ABCG2: variants seen among roughly 807,000 people sequenced by gnomAD.
The protein encoded by ABCG2 is broad substrate specificity ATP-binding cassette transporter ABCG2.
ABCG2 carries 80 observed loss-of-function variants against 73.5 expected under a neutral mutation model. The observed-to-expected ratio is 1.09, with a 90% confidence interval of 0.91 to 1.31. ABCG2 has a LOEUF of 1.31. Ranked by LOEUF, ABCG2 falls within the 50% of genes most tolerant of loss-of-function variation. ABCG2 has a pLI of 0.00. For missense variants in ABCG2, 796 were observed against 786.2 expected, an observed-to-expected ratio of 1.01 and a Z score of -0.15; for synonymous variants, 269 against 282.4, an observed-to-expected ratio of 0.95 and a Z score of 0.48.
intron 6 of ABCG2, among the ~76,000 whole-genome samples, chr4:88,120,603 T>G (rs1723902078): frequency 6.6e-6 from 1 of 152,216 alleles, no homozygotes; most frequent in African/African-American, 2.4e-5. Flanking sequence ...GATTTCGGAC[T>G]TGCGTGGGAC....
At chr4:88,189,503 G>A (rs943688470) in intron 1 of ABCG2, among the ~76,000 whole-genome samples, 1 of 150,872 alleles carries the variant, frequency 6.6e-6, no homozygotes, top group African/African-American at 2.4e-5. Flanking sequence ...AACAGAGTGA[G>A]ACCCTGCATC....
chr4:88,117,066 A>G (rs1235738434), intron 7 of ABCG2, among the ~76,000 whole-genome samples: 2 of 152,162 alleles, frequency 1.3e-5, no homozygotes, highest in African/African-American at 4.8e-5. Flanking sequence ...AGTGGCTCAC[A>G]CCTGTAATCC....
At chr4:88,196,992 T>A (rs1728960401) in intron 1 of ABCG2, among the ~76,000 whole-genome samples, 1 of 152,026 alleles carries the variant, frequency 6.6e-6, no homozygotes. Flanking sequence ...CCAGCCATCC[T>A]GTCCTATTTA....
intron 6 of ABCG2, among the ~76,000 whole-genome samples, chr4:88,121,426 C>T (rs753245444): frequency 6.6e-6 from 1 of 152,114 alleles, no homozygotes; most frequent in Admixed American, 6.5e-5. Context: ...ACAGGCCCAA[C>T]CCCCCTACAC....
At chr4:88,160,155 C>T (rs937577849), upstream of ABCG2, among the ~76,000 whole-genome samples, 1 of 151,632 alleles carries the variant, frequency 6.6e-6, no homozygotes, top group Admixed American at 6.6e-5. Context: ...GAACAAGAAG[C>T]GCTTGAACAC....
intron 9 of ABCG2, among the ~76,000 whole-genome samples, chr4:88,112,930 C>T (rs866926973): frequency 4.6e-5 from 7 of 151,816 alleles, no homozygotes. Context: ...GGCAACACAG[C>T]GAAACCCCAT....
intron 9 of ABCG2, among the ~76,000 whole-genome samples, chr4:88,112,039 T>C (rs1435799855): frequency 6.6e-6 from 1 of 151,548 alleles, no homozygotes; most frequent in Admixed American, 6.6e-5. Context: ...TGAGCTATGA[T>C]TGCACCACTG....
intron 1 of ABCG2, among the ~76,000 whole-genome samples, chr4:88,169,484 T>C (rs1360442072): frequency 6.6e-6 from 1 of 152,230 alleles, no homozygotes; most frequent in Admixed American, 6.5e-5. Flanking sequence ...GTAATTTATT[T>C]ATCTACTTTT....
intron 1 of ABCG2, among the ~76,000 whole-genome samples, chr4:88,149,274 A>T (rs1178850840): frequency 6.6e-6 from 1 of 152,228 alleles, no homozygotes; most frequent in African/African-American, 2.4e-5. Flanking sequence ...TTAATCTGTG[A>T]TTAGAAAGCC....
At chr4:88,189,858 A>G (rs914744558) in intron 1 of ABCG2, among the ~76,000 whole-genome samples, 1 of 152,220 alleles carries the variant, frequency 6.6e-6, no homozygotes, top group Non-Finnish European at 1.5e-5. Context: ...ATATGAAGTT[A>G]GCTGTGGGTT....
intron 9 of ABCG2, among the ~76,000 whole-genome samples, chr4:88,109,254 TC>T (rs1722966736): frequency 6.6e-6 from 1 of 152,130 alleles, no homozygotes; most frequent in Non-Finnish European, 1.5e-5. Flanking sequence ...CGCCTTGGCC[TC>T]CCAAAGCACT....
intron 1 of ABCG2, among the ~76,000 whole-genome samples, chr4:88,219,745 CTA>C (rs1729944718): frequency 8.9e-6 from 1 of 112,208 alleles, no homozygotes; most frequent in Non-Finnish European, 1.9e-5. Context: ...CCACGCCTGG[CTA>C]TTTTTTTTTT....
intron 14 of ABCG2, among the ~76,000 whole-genome samples, 156 bp from the exon 15 acceptor site, chr4:88,094,815 T>A (rs1482981400): frequency 6.6e-6 from 1 of 152,234 alleles, no homozygotes; most frequent in Non-Finnish European, 1.5e-5. Flanking sequence ...TAATGTTATT[T>A]TCCCTGGCAA....
At chr4:88,230,291 T>TCATA (rs779334338) in intron 1 of ABCG2, among the ~76,000 whole-genome samples, 1 of 57,908 alleles carries the variant, frequency 1.7e-5, no homozygotes. Context: ...ACCGCACCTG[T>TCATA]TATATATATA....
At chr4:88,206,694 C>A (rs774396400) in intron 1 of ABCG2, 1 of 152,216 alleles carries the variant, frequency 6.6e-6, no homozygotes, top group African/African-American at 2.4e-5. Flanking sequence ...AATTTTAATA[C>A]CTAGATCCAG....
chr4:88,142,494 C>G (rs1399272780), intron 1 of ABCG2, among the ~76,000 whole-genome samples: 3 of 152,120 alleles, frequency 2.0e-5, no homozygotes, highest in Non-Finnish European at 2.9e-5. Flanking sequence ...CCAGCAAATT[C>G]AAGGTACATG....
At chr4:88,127,643 G>C (rs1724525443) in intron 5 of ABCG2, among the ~76,000 whole-genome samples, 1 of 152,138 alleles carries the variant, frequency 6.6e-6, no homozygotes. Flanking sequence ...TCTGATCTTT[G>C]ACATACCTGA....
chr4:88,146,980 G>A (rs983822449), intron 1 of ABCG2, among the ~76,000 whole-genome samples: 32 of 110,934 alleles, frequency 2.9e-4, no homozygotes, highest in African/African-American at 1.1e-3. Context: ...AGAAAGAAAG[G>A]AAGGAAAAAG....
intron 5 of ABCG2, among the ~76,000 whole-genome samples, chr4:88,127,674 A>C (rs181661229): frequency 1.3e-5 from 2 of 152,340 alleles, no homozygotes; most frequent in Non-Finnish European, 2.9e-5. Context: ...CAACGGGGAA[A>C]GGATTCTGTA....
Sources: allele counts gnomAD v4.1 joint callset (sites outside exome capture counted in the v4.1 genomes callset), GRCh38; gene constraint gnomAD v4.1.1; transcripts MANE v1.5; gene names NCBI Gene and HGNC (gene_info 2026-07-23, HGNC 2026-07-21).